Variants in RALA observed in about 807,000 individuals in gnomAD.
RALA encodes ras-related protein Ral-A.
In RALA, 5 loss-of-function variants were observed where a neutral mutation model predicts 24.0. The ratio of observed to expected loss-of-function variants is 0.21; its 90% CI spans 0.11 to 0.44. RALA has a LOEUF of 0.44. Ranked by LOEUF, RALA falls within the 20% of genes least tolerant of loss-of-function variation. The probability of loss-of-function intolerance (pLI) is 0.99; values close to 1 mark genes in which losing one functional copy is unlikely to be tolerated. For missense variants in RALA, 95 were observed against 241.2 expected (o/e 0.39, Z 4.01); for synonymous variants, 77 against 83.8 (o/e 0.92, Z 0.44).
chr7:39,655,539 T>A (rs960730603), intron 1 of RALA, among the ~76,000 whole-genome samples: 1 of 152,174 alleles, frequency 6.6e-6, no homozygotes, highest in Non-Finnish European at 1.5e-5. Flanking sequence ...TAGAATAACA[T>A]AGTGGCTAGA....
intron 1 of RALA, among the ~76,000 whole-genome samples, chr7:39,646,565 C>T (rs1791926239): frequency 2.0e-5 from 3 of 152,252 alleles, no homozygotes; most frequent in African/African-American, 7.2e-5. Context: ...GAGGTCAAGG[C>T]TCTAGTGAGC....
chr7:39,626,954 T>C (rs1425879516), intron 1 of RALA, among the ~76,000 whole-genome samples: 3 of 151,020 alleles, frequency 2.0e-5, no homozygotes, highest in Non-Finnish European at 2.9e-5. Context: ...GCAGAAGTCT[T>C]GTAAGGGTTT....
At chr7:39,680,036 G>T (rs1002997745) in intron 1 of RALA, among the ~76,000 whole-genome samples, 9 of 151,634 alleles carry the variant, frequency 5.9e-5, no homozygotes, top group Non-Finnish European at 1.3e-4. Flanking sequence ...TCAAACTTAT[G>T]ACGGGTTTTA....
chr7:39,690,622 CATACT>C (rs1317266914), intron 3 of RALA, 32 bp downstream of exon 3: 1 of 1,507,720 alleles, frequency 6.6e-7, no homozygotes, highest in Admixed American at 1.9e-5. Context: ...TTGCTTGTGA[CATACT>C]ATACAACAAT....
intron 1 of RALA, among the ~76,000 whole-genome samples, chr7:39,664,325 C>A (rs1040293739): frequency 6.6e-6 from 1 of 152,170 alleles, no homozygotes; most frequent in Non-Finnish European, 1.5e-5. Flanking sequence ...AAGGCATGGA[C>A]AACAAGAACC....
At chr7:39,648,095 G>A (rs1306322176) in intron 1 of RALA, among the ~76,000 whole-genome samples, 1 of 152,100 alleles carries the variant, frequency 6.6e-6, no homozygotes, top group Non-Finnish European at 1.5e-5. Context: ...CACCTTTATA[G>A]AGGCTGTCAT....
At chr7:39,644,707 AT>A (rs1019581536) in intron 1 of RALA, among the ~76,000 whole-genome samples, 5 of 152,162 alleles carry the variant, frequency 3.3e-5, no homozygotes, top group Non-Finnish European at 5.9e-5. Flanking sequence ...AAACTATCTA[AT>A]TTCATTAGAT....
chr7:39,676,077 G>A (rs965673183), intron 1 of RALA, among the ~76,000 whole-genome samples: 5 of 152,058 alleles, frequency 3.3e-5, no homozygotes, highest in African/African-American at 9.7e-5. Context: ...CTGGGTTCAC[G>A]CCATTCTCCT....
At chr7:39,652,428 G>A (rs537045858) in intron 1 of RALA, among the ~76,000 whole-genome samples, 35 of 152,116 alleles carry the variant, frequency 2.3e-4, no homozygotes, top group Non-Finnish European at 4.7e-4. Context: ...TATGATATTT[G>A]CATTAGTTTT....
At chr7:39,625,710 G>T (rs1235157093) in intron 1 of RALA, among the ~76,000 whole-genome samples, 6 of 152,204 alleles carry the variant, frequency 3.9e-5, no homozygotes, top group African/African-American at 1.4e-4. Context: ...GCTTTCCAAA[G>T]GAAGAAAGGG....
chr7:39,684,288 A>C (rs1232961269), intron 1 of RALA, among the ~76,000 whole-genome samples: 1 of 152,226 alleles, frequency 6.6e-6, no homozygotes, highest in Non-Finnish European at 1.5e-5. Context: ...CTTTTGATAG[A>C]ATGATAAGAA....
At chr7:39,624,732 GA>G (rs1267698450) in intron 1 of RALA, among the ~76,000 whole-genome samples, 1 of 152,080 alleles carries the variant, frequency 6.6e-6, no homozygotes, top group East Asian at 1.9e-4. Flanking sequence ...GTGTCAAGCT[GA>G]AAAGCACCTA....
intron 1 of RALA, among the ~76,000 whole-genome samples, chr7:39,647,864 T>G (rs1791953275): frequency 6.6e-6 from 1 of 152,234 alleles, no homozygotes; most frequent in Non-Finnish European, 1.5e-5. Flanking sequence ...AATAAATTTT[T>G]GTTGTTTAAA....
chr7:39,686,229 A>G (rs1792702889), intron 1 of RALA, among the ~76,000 whole-genome samples: 1 of 151,602 alleles, frequency 6.6e-6, no homozygotes, highest in Non-Finnish European at 1.5e-5. Context: ...AAAAAGGAAG[A>G]AACATCTCTT....
chr7:39,658,158 T>C (rs1285560920), intron 1 of RALA, among the ~76,000 whole-genome samples: 2 of 152,174 alleles, frequency 1.3e-5, no homozygotes, highest in Non-Finnish European at 2.9e-5. Flanking sequence ...TGTTCTCTGG[T>C]GTCTTCTATT....
intron 1 of RALA, among the ~76,000 whole-genome samples, chr7:39,665,400 A>C (rs927978487): frequency 6.6e-6 from 1 of 152,194 alleles, no homozygotes; most frequent in Admixed American, 6.5e-5. Context: ...TTAATCAACT[A>C]TTATGTTATT....
At chr7:39,646,585 G>A (rs1293969301) in intron 1 of RALA, among the ~76,000 whole-genome samples, 1 of 151,868 alleles carries the variant, frequency 6.6e-6, no homozygotes, top group Non-Finnish European at 1.5e-5. Context: ...CCATGTTCTT[G>A]CTGTGCACTC....
chr7:39,705,075 C>G (rs56719666), intron 4 of RALA, among the ~76,000 whole-genome samples: 14,756 of 152,224 alleles, frequency 0.097, 786 homozygotes, highest in African/African-American at 0.14. Flanking sequence ...GTACCCTCCT[C>G]CCTTCTTCAA....
intron 1 of RALA, among the ~76,000 whole-genome samples, chr7:39,635,101 G>A (rs1208229952): frequency 1.3e-5 from 2 of 152,160 alleles, no homozygotes; most frequent in Non-Finnish European, 2.9e-5. Context: ...TGTAATTCCA[G>A]CACTTTGGGC....
Sources: gnomAD v4.1 joint callset for allele counts (sites outside exome capture counted in the v4.1 genomes callset) on GRCh38, gnomAD v4.1.1 for gene constraint, MANE v1.5 for transcripts, NCBI Gene and HGNC (gene_info 2026-07-23, HGNC 2026-07-21) for gene names.